The following SCAF4 variants were observed in gnomAD, a reference collection of about 807,000 sequenced individuals.
SCAF4 encodes SR-related and CTD-associated factor 4.
A neutral mutation model predicts 129.8 loss-of-function variants in SCAF4; 25 were observed. The ratio of observed to expected loss-of-function variants is 0.19; its 90% confidence interval spans 0.14 to 0.27. The LOEUF (loss-of-function observed/expected upper bound fraction) is 0.27, where lower values mean the gene tolerates loss of function less well. Among genes scored for constraint, SCAF4 ranks in the 10% least tolerant of loss-of-function variants. SCAF4 has a pLI of 1.00. For synonymous variants in SCAF4, 551 were observed against 497.7 expected, an observed-to-expected ratio of 1.11 and a Z score of -1.43; for missense variants, 1,246 against 1,457.1, an observed-to-expected ratio of 0.86 and a Z score of 2.36.
rs573116164 is a variant in SCAF4, at chr21:31,671,108, T to TAA, written c.*289_*290dup. 6.7e-4 allele frequency: 140 copies of TAA among 207,824 alleles called. No individual in the cohort carries two copies. The highest frequency in any genetic ancestry group is 1.8e-3 in the Admixed American group (31 of 17,484). 12.9% of individuals were successfully genotyped at this position (207,824 alleles called of 1,614,324 possible). A position where few individuals can be genotyped will look rare whatever the true frequency, so the allele number is the denominator to read the frequency against. On this transcript the variant is annotated 3_prime_UTR_variant, in exon 20 of 20. Transcript: ENST00000286835. ...CTTTCACCGTTACCTTGTCTTAAAT[T>TAA]AAAAAAAAAAAAAAAAATAGAGAGC...
chr21:31,671,912 CTGTGTTGGTGGAGGCTGT>C lies in SCAF4; in HGVS notation c.2913_2930del (p.Pro973_Gln978del). The C allele has an allele frequency of 6.2e-7, 1 of 1,613,252 alleles. No individual in the cohort carries two copies. On this transcript the variant is annotated inframe_deletion, in exon 20 of 20. Transcript: ENST00000286835. ...CATTTCTAAACTGCTGTGGCTGCTG[CTGTGTTGGTGGAGGCTGT>C]TGTGATGGTGGTGGCTGCTGCTGCT...
chr21:31,674,688 A>G (rs1390947437), intron 19 of SCAF4, among the ~76,000 whole-genome samples: 1 of 152,214 alleles, frequency 6.6e-6, no homozygotes, highest in African/African-American at 2.4e-5. Flanking sequence ...AACCATCAGT[A>G]TATTGTGAGT....
chr21:31,677,991 C>A (rs1425138501), intron 19 of SCAF4, among the ~76,000 whole-genome samples: 1 of 151,746 alleles, frequency 6.6e-6, no homozygotes, highest in East Asian at 1.9e-4. Context: ...CTCACAGCAT[C>A]ATATTCTTAG....
chr21:31,672,905 A>G (rs942608833), intron 19 of SCAF4, among the ~76,000 whole-genome samples: 1 of 152,254 alleles, frequency 6.6e-6, no homozygotes, highest in Non-Finnish European at 1.5e-5. Flanking sequence ...GTTACTATGC[A>G]ATGTGCATCA....
At chr21:31,713,838 T>C (rs544143353) in intron 1 of SCAF4, among the ~76,000 whole-genome samples, 2 of 152,198 alleles carry the variant, frequency 1.3e-5, no homozygotes, top group Admixed American at 1.3e-4. Flanking sequence ...ATAAGTATTA[T>C]ACACAGAGTA....
chr21:31,677,496 C>T (rs1166095317), intron 19 of SCAF4, among the ~76,000 whole-genome samples: 2 of 152,214 alleles, frequency 1.3e-5, no homozygotes, highest in South Asian at 4.1e-4. Context: ...CAGTCTCTCA[C>T]AACCCTATGT....
intron 3 of SCAF4, among the ~76,000 whole-genome samples, chr21:31,704,151 CTTT>C (rs1386636752): frequency 6.6e-6 from 1 of 152,010 alleles, no homozygotes; most frequent in Admixed American, 6.6e-5. Context: ...TTTTACTCTT[CTTT>C]GATTTCTCTA....
chr21:31,693,349 T>C lies in SCAF4; in HGVS notation c.1458A>G (p.Lys486=). The C allele has an allele frequency of 1.3e-6, 2 of 1,546,738 alleles. No homozygotes were observed. The highest frequency in any genetic ancestry group is 2.3e-5 in the East Asian group (1 of 42,834). ...GGCCTTTTTGTCGACGTTCTCTCTC[T>C]TTTTCTCGATCCCGTCTTTCTTGAG... The part of the protein sequence containing the change: ...SRSQERRDRE[K]ERERRQKGLP... The change falls in exon 12 of 20, where the codon AAA becomes AAG. Residue 486 remains lysine, a synonymous_variant. Transcript: ENST00000286835.
At position 31,708,975 on chromosome 21, in the gene SCAF4, T is replaced by C. The variant is rs372711096; in HGVS notation, c.31-2618A>G. Reference sequence around the variant, plus strand: ...CTTTCATGCAGGTACAAGAAACTTATGTCAAAGTAGCCACAAGATTATTTC... The same window carrying C: ...CTTTCATGCAGGTACAAGAAACTTACGTCAAAGTAGCCACAAGATTATTTC... On this transcript the variant is annotated intron_variant, in intron 1 of 19. Coordinates refer to ENST00000286835, the MANE Select transcript of SCAF4 (RefSeq NM_020706.2). 4.6e-5 allele frequency among the ~76,000 whole-genome samples: 7 copies of C among 152,332 alleles called. No individual in the cohort carries two copies. The East Asian group carries it at 9.6e-4, about 21-fold the overall frequency.
intron 19 of SCAF4, among the ~76,000 whole-genome samples, chr21:31,679,610 A>G (rs1028105498): frequency 1.7e-4 from 26 of 152,208 alleles, no homozygotes; most frequent in African/African-American, 6.3e-4. Flanking sequence ...TTTAAAAATG[A>G]TGCTTAGAAT....
At chr21:31,681,703 G>A (rs1479134696) in intron 19 of SCAF4, among the ~76,000 whole-genome samples, 1 of 152,136 alleles carries the variant, frequency 6.6e-6, no homozygotes, top group Non-Finnish European at 1.5e-5. Context: ...CAGATTATCA[G>A]TATTACTAAA....
At chr21:31,689,597 A>T (rs2037911276) in intron 15 of SCAF4, among the ~76,000 whole-genome samples, 2 of 149,048 alleles carry the variant, frequency 1.3e-5, no homozygotes, top group Admixed American at 1.3e-4. Flanking sequence ...GGCATGAGCC[A>T]CCGTGCCTGG....
At chr21:31,690,358 G>A (rs535460463) in intron 15 of SCAF4, among the ~76,000 whole-genome samples, 68 of 152,152 alleles carry the variant, frequency 4.5e-4, no homozygotes, top group African/African-American at 1.5e-3. Context: ...GGTGGCACGC[G>A]CCTGTAGTCC....
At chr21:31,681,927 ATT>A (rs1268871670) in intron 19 of SCAF4, among the ~76,000 whole-genome samples, 1 of 152,168 alleles carries the variant, frequency 6.6e-6, no homozygotes, top group Admixed American at 6.5e-5. Flanking sequence ...CTTTAAAAAT[ATT>A]GCCACATTTC....
chr21:31,706,787 AT>A (rs2123609343), intron 1 of SCAF4: 1 of 230,354 alleles, frequency 4.3e-6, no homozygotes, highest in Non-Finnish European at 8.8e-6. Flanking sequence ...GAAACTAAAG[AT>A]TTACCTGCAG....
rs2050551830 is a variant in SCAF4 at position 31,702,281 on chromosome 21, A to G, written c.420T>C (p.Asn140=). The part of the protein sequence containing the change: ...PLLDMAAGTS[N]AAPVAENVTN... ...TAACATTTTCTGCTACTGGGGCTGC[A>G]TTACTGGTTCCCGCTGCCATGTCCA... The change falls in exon 5 of 20, where the codon AAT becomes AAC. Residue 140 remains asparagine (N), a synonymous_variant. Coordinates refer to ENST00000286835, the MANE Select transcript of SCAF4 (RefSeq NM_020706.2). 3 of 1,614,134 alleles carry G rather than the reference A, an allele frequency of 1.9e-6. No homozygotes were observed. Among genetic ancestry groups the G allele is most frequent in the Non-Finnish European group, 2.5e-6 (3 of 1,180,006 alleles).
At chr21:31,726,933 T>C (rs761477458) in intron 1 of SCAF4, among the ~76,000 whole-genome samples, 15 of 152,158 alleles carry the variant, frequency 9.9e-5, no homozygotes, top group Non-Finnish European at 1.8e-4. Flanking sequence ...CTAAATTATT[T>C]GATTGCCTCT....
intron 7 of SCAF4, 64 bp downstream of exon 7, chr21:31,700,931 A>G (rs1601228873): frequency 7.3e-6 from 11 of 1,512,928 alleles, no homozygotes; most frequent in Non-Finnish European, 8.3e-6. Context: ...TACAGAAGTG[A>G]TAATTTCCAT....
chr21:31,731,225 G>T (rs1286986956), intron 1 of SCAF4, among the ~76,000 whole-genome samples: 1 of 152,076 alleles, frequency 6.6e-6, no homozygotes, highest in Non-Finnish European at 1.5e-5. Context: ...CCCCACGACC[G>T]GCAGATGCTC....
Sources: allele counts gnomAD v4.1 joint callset (sites outside exome capture counted in the v4.1 genomes callset), GRCh38; gene constraint gnomAD v4.1.1; transcripts MANE v1.5; gene names NCBI Gene and HGNC (gene_info 2026-07-23, HGNC 2026-07-21).